Variants in VPS41 observed in about 807,000 individuals in gnomAD.
VPS41 encodes vacuolar protein sorting-associated protein 41 homolog.
Under a neutral mutation model 130.9 loss-of-function variants are expected in VPS41, and 85 were observed. The ratio of observed to expected loss-of-function variants is 0.65; its 90% CI spans 0.55 to 0.78. The LOEUF (loss-of-function observed/expected upper bound fraction) is 0.78. Ranked by LOEUF, VPS41 falls within the 30% of genes least tolerant of loss-of-function variation. VPS41 has a pLI of 0.00. For missense variants in VPS41, 874 were observed against 1,018.7 expected (o/e 0.86, Z 1.93); for synonymous variants, 335 against 332.9 (o/e 1.01, Z -0.07).
intron 7 of VPS41, among the ~76,000 whole-genome samples, chr7:38,804,161 C>T (rs924377966): frequency 6.9e-6 from 1 of 144,298 alleles, no homozygotes; most frequent in African/African-American, 2.6e-5. Flanking sequence ...AACACCATTC[C>T]TATGCAACAC....
intron 4 of VPS41, 54 bp from the exon 5 acceptor site, chr7:38,830,382 C>T (rs1312648830): frequency 9.8e-7 from 1 of 1,022,106 alleles, no homozygotes; most frequent in Non-Finnish European, 1.6e-6. Context: ...TATATATCAA[C>T]AATCAATGTC....
At chr7:38,818,378 G>T (rs949816586) in intron 6 of VPS41, among the ~76,000 whole-genome samples, 2 of 152,092 alleles carry the variant, frequency 1.3e-5, no homozygotes, top group Non-Finnish European at 2.9e-5. Context: ...CATCAATGGA[G>T]AGAGAACAGA....
At chr7:38,784,009 A>C (rs1278828642) in intron 10 of VPS41, among the ~76,000 whole-genome samples, 1 of 152,228 alleles carries the variant, frequency 6.6e-6, no homozygotes, top group African/African-American at 2.4e-5. Flanking sequence ...CCTTATTTAC[A>C]TCTTCCCCAA....
At chr7:38,856,388 AG>A (rs1785985943) in intron 4 of VPS41, among the ~76,000 whole-genome samples, 1 of 152,082 alleles carries the variant, frequency 6.6e-6, no homozygotes, top group Non-Finnish European at 1.5e-5. Flanking sequence ...ATGAATTAGG[AG>A]GTGGGGAAGA....
chr7:38,887,846 C>T (rs1173487776), intron 2 of VPS41, among the ~76,000 whole-genome samples: 2 of 152,176 alleles, frequency 1.3e-5, no homozygotes, highest in East Asian at 1.9e-4. Flanking sequence ...AGAAACCCTA[C>T]AAGCCAGAAG....
chr7:38,904,200 G>A (rs2116460314), intron 1 of VPS41, among the ~76,000 whole-genome samples: 1 of 152,330 alleles, frequency 6.6e-6, no homozygotes, highest in Middle Eastern at 3.4e-3. Flanking sequence ...ATGAGACACA[G>A]AAGCCCCTGA....
chr7:38,899,554 A>C (rs1302388516), intron 1 of VPS41, among the ~76,000 whole-genome samples: 1 of 152,166 alleles, frequency 6.6e-6, no homozygotes, highest in Non-Finnish European at 1.5e-5. Context: ...CCACTTTAAC[A>C]TTAACAATCA....
chr7:38,833,628 C>T (rs1014908040), intron 4 of VPS41, among the ~76,000 whole-genome samples: 6 of 152,196 alleles, frequency 3.9e-5, no homozygotes, highest in African/African-American at 1.4e-4. Context: ...TTTACCCAAA[C>T]ATTTCATAAC....
At chr7:38,759,317 C>T (rs1006580770) in intron 17 of VPS41, among the ~76,000 whole-genome samples, 4 of 152,040 alleles carry the variant, frequency 2.6e-5, no homozygotes, top group African/African-American at 4.8e-5. Flanking sequence ...TGGTGTGTAG[C>T]GGAAAAACCC....
chr7:38,775,989 G>C (rs894580306), intron 11 of VPS41, among the ~76,000 whole-genome samples: 1 of 152,034 alleles, frequency 6.6e-6, no homozygotes, highest in African/African-American at 2.4e-5. Flanking sequence ...TCTTGTGCTG[G>C]CAGGACCCCT....
intron 5 of VPS41, among the ~76,000 whole-genome samples, chr7:38,826,314 T>C (rs927109778): frequency 7.9e-5 from 12 of 152,178 alleles, no homozygotes; most frequent in Non-Finnish European, 1.5e-4. Flanking sequence ...TGTTCTGGAA[T>C]GGATAAACAA....
intron 2 of VPS41, among the ~76,000 whole-genome samples, chr7:38,879,511 A>G (rs2116374289): frequency 6.6e-6 from 1 of 152,182 alleles, no homozygotes; most frequent in East Asian, 1.9e-4. Context: ...AAAAAAAAAA[A>G]TCCAGAAGCT....
At position 38,723,409 on chromosome 7, in the gene VPS41, C is replaced by A. The variant is rs1369962953; in HGVS notation, c.*2837G>T. On this transcript the variant is annotated 3_prime_UTR_variant, in exon 29 of 29. Coordinates refer to ENST00000310301, the MANE Select transcript of VPS41 (RefSeq NM_014396.4). ...TAAAGTACTCCAAAATAATTTTGCA[C>A]CTGGCTGTTTTACACTTCAAGAATA... 6.6e-6 allele frequency: 1 copy of A among 152,076 alleles called. No homozygotes were observed. Among genetic ancestry groups the A allele is most frequent in the African/African-American group, 2.4e-5 (1 of 41,406 alleles). 9.4% of individuals were successfully genotyped at this position (152,076 alleles called of 1,614,324 possible). A position where few individuals can be genotyped will look rare whatever the true frequency, so the allele number is the denominator to read the frequency against.
chr7:38,728,817 G>C (rs1451472093), intron 25 of VPS41, 26 bp from the exon 26 acceptor site: 9 of 1,604,788 alleles, frequency 5.6e-6, no homozygotes, highest in Non-Finnish European at 7.7e-6. Flanking sequence ...TAAAAGAAAA[G>C]CCATCTTAAG....
chr7:38,741,269 G>T, intron 25 of VPS41: 1 of 292,420 alleles, frequency 3.4e-6, no homozygotes, highest in Non-Finnish European at 7.0e-6. Context: ...TAAATTAGAG[G>T]AAGAACAACA....
chr7:38,756,330 T>C lies in VPS41; in HGVS notation c.1695+508A>G, dbSNP rs115282859. On this transcript the variant is annotated intron_variant, in intron 19 of 28. Transcript: ENST00000310301. ...GGGGCGTAAATTTATTATTAGGTTA[T>C]TCAAATTTGTCACACAATAAAATAA... 4.2e-3 allele frequency among the ~76,000 whole-genome samples: 644 copies of C among 152,146 alleles called. 6 individuals are homozygous for C. The highest frequency in any genetic ancestry group is 0.015 in the African/African-American group (607 of 41,498).
chr7:38,839,429 C>T (rs2116215102), intron 4 of VPS41, among the ~76,000 whole-genome samples: 1 of 152,234 alleles, frequency 6.6e-6, no homozygotes, highest in African/African-American at 2.4e-5. Flanking sequence ...ACAGTATATT[C>T]TTTTTTTCTT....
At chr7:38,885,613 A>G (rs1424426602) in intron 2 of VPS41, among the ~76,000 whole-genome samples, 2 of 152,230 alleles carry the variant, frequency 1.3e-5, no homozygotes, top group Non-Finnish European at 2.9e-5. Flanking sequence ...TGTGGTCCAT[A>G]TTAAATGAGA....
intron 27 of VPS41, 143 bp downstream of exon 27, chr7:38,728,399 G>T: frequency 1.1e-6 from 1 of 920,218 alleles, no homozygotes; most frequent in Non-Finnish European, 1.8e-6. Flanking sequence ...CACTGAGCAG[G>T]ATGGAAGCCA....
Sources: gnomAD v4.1 joint callset for allele counts (sites outside exome capture counted in the v4.1 genomes callset) on GRCh38, gnomAD v4.1.1 for gene constraint, MANE v1.5 for transcripts, NCBI Gene and HGNC (gene_info 2026-07-23, HGNC 2026-07-21) for gene names.